Variants in IQCM observed in about 807,000 individuals in gnomAD.
IQCM encodes IQ domain-containing protein M.
IQCM carries 45 observed loss-of-function variants against 57.6 expected under a neutral mutation model. That is an observed-to-expected ratio of 0.78 (90% confidence interval 0.62 to 1.00). The LOEUF (loss-of-function observed/expected upper bound fraction) is 1.00. Ranked by LOEUF, IQCM falls within the 50% of genes least tolerant of loss-of-function variation. IQCM has a pLI of 0.00. For synonymous variants in IQCM, 148 were observed against 158.9 expected (o/e 0.93, Z 0.51); for missense variants, 468 against 511.6 (o/e 0.91, Z 0.82).
chr4:149,425,861 G>T (rs189960024), intron 13 of IQCM, among the ~76,000 whole-genome samples: 1 of 151,820 alleles, frequency 6.6e-6, no homozygotes, highest in Non-Finnish European at 1.5e-5. Context: ...ATAGATTTCC[G>T]TTTCAAACTA....
chr4:149,803,266 T>C (rs1288883949), intron 2 of IQCM, among the ~76,000 whole-genome samples: 1 of 152,032 alleles, frequency 6.6e-6, no homozygotes, highest in Admixed American at 6.6e-5. Flanking sequence ...TGTGCCATCA[T>C]AAGGACAATT....
chr4:149,407,027 C>T (rs934769948), intron 13 of IQCM, among the ~76,000 whole-genome samples: 6 of 151,372 alleles, frequency 4.0e-5, no homozygotes, highest in African/African-American at 1.5e-4. Flanking sequence ...GCGAAAGGCA[C>T]GTTTTACATG....
chr4:149,524,337 A>G (rs1041690885), intron 12 of IQCM, among the ~76,000 whole-genome samples: 24 of 152,282 alleles, frequency 1.6e-4, no homozygotes, highest in Admixed American at 1.0e-3. Flanking sequence ...ACACAAATGT[A>G]CAGTACAGAT....
chr4:149,488,254 A>C (rs566330968), intron 12 of IQCM, among the ~76,000 whole-genome samples: 1 of 152,264 alleles, frequency 6.6e-6, no homozygotes, highest in South Asian at 2.1e-4. Context: ...TTCAGAAATA[A>C]ATATATTAAT....
At chr4:149,498,426 A>G (rs755546798) in intron 12 of IQCM, among the ~76,000 whole-genome samples, 42 of 152,184 alleles carry the variant, frequency 2.8e-4, no homozygotes, top group Non-Finnish European at 5.1e-4. Flanking sequence ...TCTTCCTGGC[A>G]GATCATGTTT....
At chr4:149,359,339 A>T (rs552806833) in intron 13 of IQCM, among the ~76,000 whole-genome samples, 1 of 152,218 alleles carries the variant, frequency 6.6e-6, no homozygotes, top group Non-Finnish European at 1.5e-5. Context: ...AAATACATGT[A>T]AAATATTAAA....
chr4:149,432,909 A>AACC (rs541443323), intron 13 of IQCM, among the ~76,000 whole-genome samples: 232 of 152,168 alleles, frequency 1.5e-3, no homozygotes, highest in African/African-American at 5.3e-3. Flanking sequence ...TGCAAATTAA[A>AACC]ACCACAAAAA....
At chr4:149,453,366 G>A (rs532555639) in intron 12 of IQCM, among the ~76,000 whole-genome samples, 2 of 151,380 alleles carry the variant, frequency 1.3e-5, no homozygotes, top group African/African-American at 4.8e-5. Flanking sequence ...ACTGCACTTC[G>A]ACAAAAACAA....
chr4:149,457,905 C>G (rs906141666), intron 12 of IQCM, among the ~76,000 whole-genome samples: 33 of 151,886 alleles, frequency 2.2e-4, no homozygotes, highest in African/African-American at 5.6e-4. Flanking sequence ...ACATCATATA[C>G]AAGTTATAAT....
chr4:149,474,837 G>C (rs1740006834), intron 12 of IQCM, among the ~76,000 whole-genome samples: 1 of 152,110 alleles, frequency 6.6e-6, no homozygotes, highest in Non-Finnish European at 1.5e-5. Flanking sequence ...AATCTGAGTA[G>C]AGAGCATCCT....
At chr4:149,500,494 T>C (rs1743127902) in intron 12 of IQCM, among the ~76,000 whole-genome samples, 1 of 152,180 alleles carries the variant, frequency 6.6e-6, no homozygotes, top group African/African-American at 2.4e-5. Context: ...TAGAGATGGC[T>C]GAGGCATTTT....
chr4:149,757,675 A>G (rs1043880558), intron 2 of IQCM, among the ~76,000 whole-genome samples: 2 of 152,084 alleles, frequency 1.3e-5, no homozygotes, highest in Admixed American at 1.3e-4. Context: ...ATAGTTCCAA[A>G]CTTTTTAGCA....
At chr4:149,417,946 C>A (rs1477203628) in intron 13 of IQCM, among the ~76,000 whole-genome samples, 1 of 150,922 alleles carries the variant, frequency 6.6e-6, no homozygotes, top group East Asian at 2.0e-4. Flanking sequence ...TAGTCTTGAG[C>A]CTAGCAAATG....
At chr4:149,534,880 A>T (rs1226614106) in intron 12 of IQCM, among the ~76,000 whole-genome samples, 9 of 152,132 alleles carry the variant, frequency 5.9e-5, no homozygotes, top group Non-Finnish European at 1.2e-4. Flanking sequence ...TAGCATAAAC[A>T]ATTGGCTTAC....
At chr4:149,571,678 A>G (rs917614907) in intron 9 of IQCM, among the ~76,000 whole-genome samples, 3 of 151,462 alleles carry the variant, frequency 2.0e-5, no homozygotes, top group African/African-American at 7.2e-5. Context: ...AGTAATGCAC[A>G]TGTTAATTAG....
chr4:149,777,715 C>T (rs937542499), intron 2 of IQCM, among the ~76,000 whole-genome samples: 6 of 152,014 alleles, frequency 3.9e-5, no homozygotes, highest in African/African-American at 1.2e-4. Context: ...TTTCTTTCCC[C>T]GAAGTACAAC....
chr4:149,565,994 G>C (rs576619766), intron 9 of IQCM, among the ~76,000 whole-genome samples: 1 of 152,218 alleles, frequency 6.6e-6, no homozygotes, highest in South Asian at 2.1e-4. Flanking sequence ...AAACAAAGCT[G>C]CCAGAAGAGC....
intron 7 of IQCM, among the ~76,000 whole-genome samples, chr4:149,626,507 A>T (rs1756824957): frequency 6.6e-6 from 1 of 151,666 alleles, no homozygotes; most frequent in African/African-American, 2.4e-5. Context: ...TAAGTTAGAA[A>T]ATGTATGGGA....
chr4:149,604,746 G>A (rs1754624686), intron 8 of IQCM, among the ~76,000 whole-genome samples: 2 of 152,158 alleles, frequency 1.3e-5, no homozygotes, highest in South Asian at 4.1e-4. Flanking sequence ...GACATGTTCA[G>A]TAACAGATGT....
Sources: gnomAD v4.1 joint callset for allele counts (sites outside exome capture counted in the v4.1 genomes callset) on GRCh38, gnomAD v4.1.1 for gene constraint, MANE v1.5 for transcripts, NCBI Gene and HGNC (gene_info 2026-07-23, HGNC 2026-07-21) for gene names.